TG: variants seen among roughly 807,000 people sequenced by gnomAD.
The protein encoded by TG is thyroid hormones.
A neutral mutation model predicts 324.7 loss-of-function variants in TG; 270 were observed. The ratio of observed to expected loss-of-function variants is 0.83; its 90% CI spans 0.75 to 0.92. The LOEUF (loss-of-function observed/expected upper bound fraction) is 0.92. TG is among the 40% of genes least tolerant of loss of function. The pLI, the probability that TG is intolerant of heterozygous loss-of-function variation, is 0.00. For missense variants in TG, 3,591 were observed against 3,456.4 expected (o/e 1.04, Z -0.98); for synonymous variants, 1,401 against 1,327.0 (o/e 1.06, Z -1.21).
At chr8:133,107,141 T>C (rs2979029) in intron 43 of TG, among the ~76,000 whole-genome samples, 76,345 of 152,032 alleles carry the variant, frequency 0.5, 19,463 homozygotes, top group Middle Eastern at 0.54. Context: ...TTTATTGACC[T>C]GAAATGAAGG....
chr8:133,020,802 G>T (rs1456901654), intron 39 of TG, among the ~76,000 whole-genome samples: 1 of 152,182 alleles, frequency 6.6e-6, no homozygotes, highest in East Asian at 1.9e-4. Flanking sequence ...CACCTTGGGT[G>T]GAAGATCAAA....
intron 45 of TG, 115 bp from the exon 46 acceptor site, chr8:133,131,697 T>C: frequency 6.9e-7 from 1 of 1,457,120 alleles, no homozygotes; most frequent in Non-Finnish European, 9.3e-7. Context: ...TTGGATATGA[T>C]ATAAAGAAGG....
intron 41 of TG, among the ~76,000 whole-genome samples, chr8:133,091,897 G>A (rs1847606095): frequency 1.3e-5 from 2 of 151,856 alleles, no homozygotes; most frequent in Admixed American, 1.3e-4. Context: ...CTCTATCTAT[G>A]ACTGTGTGTC....
chr8:133,003,991 G>A (rs1180073838), intron 35 of TG, among the ~76,000 whole-genome samples: 3 of 152,190 alleles, frequency 2.0e-5, no homozygotes, highest in African/African-American at 7.2e-5. Context: ...CCATTAGATG[G>A]AACCAGTTAA....
chr8:132,964,997 G>T, intron 29 of TG: 4 of 696,724 alleles, frequency 5.7e-6, no homozygotes, highest in South Asian at 1.5e-5. Context: ...GAGAGCAGGT[G>T]TGCCTTCAGT....
chr8:132,882,601 G>A lies in TG; in HGVS notation c.878G>A (p.Gly293Asp). The change falls in exon 7 of 48, where the codon GGC (glycine) becomes GAC (aspartate). Residue 293 changes from glycine to aspartate, a missense_variant. Gly to Asp is a moderately conservative substitution (Grantham distance 94, BLOSUM62 -1). Coordinates refer to ENST00000220616, the MANE Select transcript of TG (RefSeq NM_003235.5). ...RFLAVQSVIS[G>D]RFRCPTKCEV... ...CTCGCAGTTCAATCAGTCATCTCTG[G>A]CAGATTCCGATGTAAGTAATAAACT... 6.2e-7 allele frequency: 1 copy of A among 1,614,194 alleles called. No homozygotes were observed. Among genetic ancestry groups the A allele is most frequent in the Non-Finnish European group, 8.5e-7 (1 of 1,180,038 alleles).
chr8:132,867,976 C>A, intron 1 of TG, 139 bp from the exon 2 acceptor site: 1 of 742,820 alleles, frequency 1.3e-6, no homozygotes, highest in African/African-American at 1.7e-5. Context: ...AGAAAGTGTG[C>A]TTAGCTGCCA....
chr8:132,962,985 T>TC lies in TG; in HGVS notation c.5468-7dup. ...CCAACATTGCAACAACTCTTTTTTTTCCTCCTAGATTCTGACATGGGGTCT... is the reference window on the plus strand; with the variant it reads ...CCAACATTGCAACAACTCTTTTTTTTCCCTCCTAGATTCTGACATGGGGTCT... On this transcript the variant is annotated splice_polypyrimidine_tract_variant and intron_variant, in intron 28 of 47. Coordinates refer to ENST00000220616, the MANE Select transcript of TG (RefSeq NM_003235.5). The TC allele has an allele frequency of 6.2e-7, 1 of 1,613,732 alleles. No individual in the cohort carries two copies. The highest frequency in any genetic ancestry group is 1.1e-5 in the South Asian group (1 of 91,076).
Position 132,948,799 on chromosome 8 carries a change from AGCTC to A in TG, c.5258_5261del (p.Ser1753AsnfsTer27). ...AGGTGCCATCATCTGTGGGTTGCTGAGCTCACCCAGTGTCCTGCTTTGTAATGTC... is the reference window on the plus strand; with the variant it reads ...AGGTGCCATCATCTGTGGGTTGCTGAACCCAGTGTCCTGCTTTGTAATGTC... On this transcript the variant is annotated frameshift_variant, in exon 27 of 48. Coordinates refer to ENST00000220616, the MANE Select transcript of TG (RefSeq NM_003235.5). LOFTEE classifies it high-confidence loss of function. 6.2e-7 allele frequency: 1 copy of A among 1,613,852 alleles called. No homozygotes were observed. The highest frequency in any genetic ancestry group is 8.5e-7 in the Non-Finnish European group (1 of 1,180,004).
intron 41 of TG, among the ~76,000 whole-genome samples, chr8:133,083,565 G>A (rs569269724): frequency 6.6e-6 from 1 of 152,198 alleles, no homozygotes; most frequent in East Asian, 1.9e-4. Context: ...TTGAAACATA[G>A]CACATACCCA....
chr8:132,967,474 A>G (rs550961820), intron 30 of TG, among the ~76,000 whole-genome samples: 42 of 152,238 alleles, frequency 2.8e-4, no homozygotes, highest in African/African-American at 9.4e-4. Context: ...TGGTCTGCAG[A>G]TCCTGACTTC....
Position 132,974,055 on chromosome 8 carries a change from G to A in TG, c.6199+1314G>A, listed in dbSNP as rs559444596. 1.9e-3 allele frequency among the ~76,000 whole-genome samples: 280 copies of A among 146,314 alleles called. 4 individuals carry two copies. The highest frequency in any genetic ancestry group is 3.7e-4 in the Non-Finnish European group (25 of 67,272). On this transcript the variant is annotated intron_variant, in intron 34 of 47. Transcript: ENST00000220616. ...GTCACCCGGGCTGGAGTGCAATGGCGCGATCTCAGCTCACTGCAACCTCCA... is the reference window on the plus strand; with the variant it reads ...GTCACCCGGGCTGGAGTGCAATGGCACGATCTCAGCTCACTGCAACCTCCA...
intron 21 of TG, among the ~76,000 whole-genome samples, chr8:132,923,000 G>A (rs72727419): frequency 0.13 from 19,690 of 152,096 alleles, 1,856 homozygotes; most frequent in African/African-American, 0.26. Context: ...GAGAGTTCGC[G>A]CAGCAAAGAC....
At position 133,087,386 on chromosome 8, in the gene TG, G is replaced by A. The variant is rs149038864; in HGVS notation, c.7240-7658G>A. Among the ~76,000 whole-genome samples the A allele has an allele frequency of 1.4e-4, 21 of 152,262 alleles. No homozygotes were observed. The East Asian group carries it at 4.0e-3, about 29-fold the overall frequency. On this transcript the variant is annotated intron_variant, in intron 41 of 47. Coordinates refer to ENST00000220616, the MANE Select transcript of TG (RefSeq NM_003235.5). Reference sequence around the variant, plus strand: ...TTGTGCCTATCTGTGAAGACAGCAAGGCTTATTGCTGGACCTCTTATCTCA... The same window carrying A: ...TTGTGCCTATCTGTGAAGACAGCAAAGCTTATTGCTGGACCTCTTATCTCA...
chr8:133,055,345 G>A (rs559971529), intron 41 of TG, among the ~76,000 whole-genome samples: 226 of 139,344 alleles, frequency 1.6e-3, no homozygotes, highest in Non-Finnish European at 3.0e-3. Context: ...GTCATCTTCA[G>A]GACACACACA....
chr8:133,089,712 T>C (rs763154376), intron 41 of TG, among the ~76,000 whole-genome samples: 21 of 152,312 alleles, frequency 1.4e-4, no homozygotes, highest in Non-Finnish European at 2.6e-4. Context: ...ATGCAATACA[T>C]ATTTTGAGTT....
chr8:132,941,680 T>A, intron 26 of TG, 138 bp downstream of exon 26: 1 of 885,216 alleles, frequency 1.1e-6, no homozygotes, highest in Non-Finnish European at 1.8e-6. Flanking sequence ...GACAGTCAAG[T>A]ACACAATACA....
chr8:132,871,380 A>C lies in TG; in HGVS notation c.307A>C (p.Ile103Leu), dbSNP rs1172051123. 1.4e-5 allele frequency: 22 copies of C among 1,614,098 alleles called. No homozygotes were observed. The highest frequency in any genetic ancestry group is 1.8e-5 in the Non-Finnish European group (21 of 1,180,038). ...ATTTTGTCAGCTACAGAAACAGCAG[A>C]TCTTACTGAGTGGCTACATTAACAG... The part of the protein sequence containing the change: ...LSFCQLQKQQ[I>L]LLSGYINSTD... Residue 103 changes from isoleucine (I) to leucine (L), a missense_variant, in exon 4 of 48, where the codon ATC (isoleucine) becomes CTC (leucine). By Grantham distance (5) the Ile-to-Leu change is conservative (BLOSUM62 2). Transcript: ENST00000220616.
At position 132,882,883 on chromosome 8, in the gene TG, G is replaced by A. The variant is rs755014012; in HGVS notation, c.959G>A (p.Arg320His). The part of the protein sequence containing the change: ...SFGHPYVPSC[R>H]RNGDYQAVQC... Reference sequence around the variant, plus strand: ...GGTCACCCCTATGTTCCAAGCTGCCGCCGAAATGGCGACTATCAGGCGGTG... The same window carrying A: ...GGTCACCCCTATGTTCCAAGCTGCCACCGAAATGGCGACTATCAGGCGGTG... Residue 320 changes from arginine (R) to histidine (H), a missense_variant, in exon 8 of 48, where the codon CGC (arginine) becomes CAC (histidine). Transcript: ENST00000220616. The A allele has an allele frequency of 1.8e-5, 29 of 1,614,076 alleles. No homozygotes were observed. In the Admixed American group the frequency reaches 2.8e-4, roughly 16 times the overall value.
Sources: gnomAD v4.1 joint callset for allele counts (sites outside exome capture counted in the v4.1 genomes callset) on GRCh38, gnomAD v4.1.1 for gene constraint, MANE v1.5 for transcripts, NCBI Gene and HGNC (gene_info 2026-07-23, HGNC 2026-07-21) for gene names.